LRP5: variants seen among roughly 807,000 people sequenced by gnomAD.
The protein encoded by LRP5 is low-density lipoprotein receptor-related protein 5.
Under a neutral mutation model 154.1 loss-of-function variants are expected in LRP5, and 62 were observed. The ratio of observed to expected loss-of-function variants is 0.40; its 90% CI spans 0.33 to 0.50. LRP5 has a LOEUF of 0.50. LRP5 is among the 20% of genes least tolerant of loss of function. The probability of loss-of-function intolerance (pLI) is 0.55; values close to 1 mark genes in which losing one functional copy is unlikely to be tolerated. For synonymous variants in LRP5, 966 were observed against 1,011.5 expected (o/e 0.96, Z 0.85); for missense variants, 1,915 against 2,336.7 (o/e 0.82, Z 3.72).
At chr11:68,409,069 A>T (rs369389877) in intron 9 of LRP5, among the ~76,000 whole-genome samples, 13,934 of 48,346 alleles carry the variant, frequency 0.29, 1,292 homozygotes, top group Middle Eastern at 0.39. Context: ...AAAAAAAAAA[A>T]AAAAATATAT....
upstream of LRP5, among the ~76,000 whole-genome samples, chr11:68,312,241 C>T (rs1306485027): frequency 1.3e-5 from 2 of 152,130 alleles, no homozygotes; most frequent in African/African-American, 4.8e-5. Context: ...GCTGCCCGCC[C>T]TGAAACTGCC....
intron 1 of LRP5, among the ~76,000 whole-genome samples, chr11:68,329,386 G>A (rs1165028918): frequency 6.6e-6 from 1 of 152,194 alleles, no homozygotes; most frequent in Non-Finnish European, 1.5e-5. Context: ...AACTGAGGCT[G>A]GGAGAGGTCA....
intron 14 of LRP5, 113 bp from the exon 15 acceptor site, chr11:68,424,989 G>A (rs527866365): frequency 3.8e-4 from 323 of 840,716 alleles, no homozygotes; most frequent in South Asian, 3.1e-3. Flanking sequence ...TGTCAGCCTC[G>A]GGCAGCCCTG....
At chr11:68,321,058 G>GTTTTTTTT (rs36049256) in intron 1 of LRP5, among the ~76,000 whole-genome samples, 46 of 119,790 alleles carry the variant, frequency 3.8e-4, no homozygotes, top group South Asian at 7.9e-4. Context: ...TTCTGTCTGG[G>GTTTTTTTT]TTTTTTTTTT....
intron 13 of LRP5, 50 bp downstream of exon 13, chr11:68,416,577 C>T (rs907630095): frequency 1.3e-6 from 2 of 1,574,780 alleles, no homozygotes; most frequent in East Asian, 2.3e-5. Flanking sequence ...AGGCGCTCCT[C>T]TTGCTGGTTT....
chr11:68,373,064 G>A (rs1425103839), intron 5 of LRP5, among the ~76,000 whole-genome samples: 1 of 152,056 alleles, frequency 6.6e-6, no homozygotes, highest in African/African-American at 2.4e-5. Context: ...TGTGGGGCAG[G>A]TTGTGGGGGG....
chr11:68,366,026 G>C (rs1002181275), intron 5 of LRP5, among the ~76,000 whole-genome samples: 3 of 152,064 alleles, frequency 2.0e-5, no homozygotes, highest in African/African-American at 7.2e-5. Flanking sequence ...TTCTCCTCTG[G>C]GGCACCGGCT....
intron 1 of LRP5, among the ~76,000 whole-genome samples, chr11:68,330,209 C>T (rs1023757609): frequency 6.6e-6 from 1 of 151,806 alleles, no homozygotes; most frequent in Non-Finnish European, 1.5e-5. Flanking sequence ...CCCTCCCAGG[C>T]CCCTGAGCTT....
intron 20 of LRP5, 151 bp from the exon 21 acceptor site, chr11:68,439,626 C>G (rs915440353): frequency 1.2e-6 from 1 of 809,614 alleles, no homozygotes; most frequent in Non-Finnish European, 2.0e-6. Flanking sequence ...GAGAGGCCTG[C>G]GGCTCAGGGA....
At chr11:68,371,633 C>T (rs1027470787) in intron 5 of LRP5, among the ~76,000 whole-genome samples, 5 of 152,270 alleles carry the variant, frequency 3.3e-5, no homozygotes, top group East Asian at 1.9e-4. Context: ...GTGCGCCCGG[C>T]GGGCATGAAT....
rs749139386 is a variant in LRP5, at chr11:68,409,979, C to T, written c.2157C>T (p.Tyr719=). ...ACGTGGTGGAGTTTGGCCTTGACTA[C>T]CCCGAGGGCATGGCCGTTGACTGGA... The part of the protein sequence containing the change: ...VEHVVEFGLD[Y]PEGMAVDWMG... Residue 719 remains tyrosine, a synonymous_variant, in exon 10 of 23, where the codon TAC becomes TAT. Coordinates refer to ENST00000294304, the MANE Select transcript of LRP5 (RefSeq NM_002335.4). 2 of 1,614,136 alleles carry T rather than the reference C, an allele frequency of 1.2e-6. No individual in the cohort carries two copies. The highest frequency in any genetic ancestry group is 1.7e-6 in the Non-Finnish European group (2 of 1,180,030).
chr11:68,403,382 C>T, intron 7 of LRP5, 101 bp from the exon 8 acceptor site: 1 of 992,320 alleles, frequency 1.0e-6, no homozygotes. Flanking sequence ...GGGCATTGAA[C>T]CCGTCTTGTT....
In LRP5 at chr11:68,425,223, G is replaced by A. The variant is rs2098668036; in HGVS notation, c.3358G>A (p.Asp1120Asn). Residue 1120 changes from aspartate to asparagine, a missense_variant, in exon 15 of 23, where the codon GAC becomes AAC. This residue lies in a region of LRP5 where 1,094 missense variants were observed against 1,210.1 expected (regional missense o/e 0.90). Transcript: ENST00000294304. ...GLIRPVALVVDNTLGKLFWVD... is the reference protein window; with the variant it reads ...GLIRPVALVVNNTLGKLFWVD... ...CATCCGCCCTGTGGCCCTGGTGGTG[G>A]ACAACACACTGGGCAAGCTGTTCTG... The A allele has an allele frequency of 6.2e-7, 1 of 1,612,748 alleles. No individual in the cohort carries two copies. Among genetic ancestry groups the A allele is most frequent in the Non-Finnish European group, 8.5e-7 (1 of 1,180,000 alleles).
chr11:68,348,946 CAAA>C (rs1229661715), intron 2 of LRP5, among the ~76,000 whole-genome samples: 4 of 115,504 alleles, frequency 3.5e-5, no homozygotes, highest in Non-Finnish European at 1.8e-5. Flanking sequence ...GATCCTGTCT[CAAA>C]AAAAAAAAAG....
intron 1 of LRP5, among the ~76,000 whole-genome samples, chr11:68,314,122 A>C (rs896319986): frequency 6.6e-6 from 1 of 152,200 alleles, no homozygotes; most frequent in Non-Finnish European, 1.5e-5. Flanking sequence ...AGTACAGGCC[A>C]GCGCCGCTCC....
Position 68,423,613 on chromosome 11 carries a change from A to C in LRP5, c.3152A>C (p.His1051Pro). 1 of 1,614,222 alleles carries C rather than the reference A, an allele frequency of 6.2e-7. No homozygotes were observed. The highest frequency in any genetic ancestry group is 8.5e-7 in the Non-Finnish European group (1 of 1,180,026). The change falls in exon 14 of 23, where the codon CAC becomes CCC. Residue 1051 changes from histidine (H) to proline (P), a missense_variant. His to Pro is a moderately conservative substitution (Grantham distance 77, BLOSUM62 -2). Coordinates refer to ENST00000294304, the MANE Select transcript of LRP5 (RefSeq NM_002335.4). The surrounding 1 kb of genome is among the most constrained non-coding windows in gnomAD (Gnocchi z 4.7). Reference sequence around the variant, plus strand: ...GAGGCCACCAATACCATCAACGTCCACAGGCTGAGCGGGGAAGCCATGGGG... The same window carrying C: ...GAGGCCACCAATACCATCAACGTCCCCAGGCTGAGCGGGGAAGCCATGGGG... ...TCEATNTINVHRLSGEAMGVV... is the reference protein window; with the variant it reads ...TCEATNTINVPRLSGEAMGVV...
At chr11:68,419,303 G>A (rs894508144) in intron 13 of LRP5, among the ~76,000 whole-genome samples, 1 of 141,416 alleles carries the variant, frequency 7.1e-6, no homozygotes, top group Non-Finnish European at 1.5e-5. Flanking sequence ...TGCGATCATG[G>A]CTCACTGCAG....
intron 19 of LRP5, among the ~76,000 whole-genome samples, 174 bp from the exon 20 acceptor site, chr11:68,438,272 G>A (rs986812159): frequency 3.3e-5 from 5 of 152,180 alleles, no homozygotes; most frequent in African/African-American, 7.2e-5. Flanking sequence ...GAAGGGCCAC[G>A]TTACCCTGAG....
At chr11:68,403,370 T>C in intron 7 of LRP5, 113 bp from the exon 8 acceptor site, 1 of 868,366 alleles carries the variant, frequency 1.2e-6, no homozygotes, top group Non-Finnish European at 1.9e-6. Flanking sequence ...GTTGCGGCTC[T>C]TGGGCATTGA....
Sources: gnomAD v4.1 joint callset for allele counts (sites outside exome capture counted in the v4.1 genomes callset) on GRCh38, gnomAD v4.1.1 for gene constraint, gnomAD v4.1.1 regional missense constraint, Gnocchi (gnomAD v3.1) non-coding constraint, MANE v1.5 for transcripts, NCBI Gene and HGNC (gene_info 2026-07-23, HGNC 2026-07-21) for gene names.